SRPX2: variants seen among roughly 807,000 people sequenced by gnomAD.
SRPX2 encodes the protein sushi repeat-containing protein SRPX2.
SRPX2 carries 26 observed loss-of-function variants against 45.3 expected under a neutral mutation model. The ratio of observed to expected loss-of-function variants is 0.57; its 90% confidence interval spans 0.42 to 0.80. The LOEUF is 0.80. Ranked by LOEUF, SRPX2 falls within the 30% of genes least tolerant of loss-of-function variation. SRPX2 has a pLI of 0.00. For synonymous variants in SRPX2, 125 were observed against 143.7 expected (o/e 0.87, Z 0.93); for missense variants, 355 against 399.8 (o/e 0.89, Z 0.95).
In SRPX2 at chrX:100,644,307, A is replaced by C. The variant is rs2083129121; in HGVS notation, c.-339A>C. ...CTGAGAGAGGAATAACTATAGCTTC[A>C]GGGATAATATAGCTTTAAGGAAACT... On this transcript the variant is annotated 5_prime_UTR_variant, in exon 1 of 11. Transcript: ENST00000373004. The C allele has an allele frequency of 8.9e-6, 1 of 111,797 alleles. No homozygotes were observed. The highest frequency in any genetic ancestry group is 3.8e-4 in the South Asian group (1 of 2,617). 9.2% of individuals were successfully genotyped at this position (111,797 alleles called of 1,213,427 possible).
intron 3 of SRPX2, among the ~76,000 whole-genome samples, chrX:100,651,516 C>T (rs1042169101): frequency 2.7e-5 from 3 of 111,137 alleles, no homozygotes; most frequent in African/African-American, 9.8e-5. Flanking sequence ...TGCAGTGGCT[C>T]ATGCTTGTAA....
At chrX:100,669,898 G>A (rs1317125828) in intron 10 of SRPX2, among the ~76,000 whole-genome samples, 3 of 105,915 alleles carry the variant, frequency 2.8e-5, no homozygotes, top group Non-Finnish European at 3.9e-5. Flanking sequence ...TCAGCCTCCC[G>A]AGTAGCTGGG....
intron 3 of SRPX2, among the ~76,000 whole-genome samples, chrX:100,654,648 C>A (rs1013142278): frequency 3.6e-5 from 4 of 111,379 alleles, no homozygotes; most frequent in African/African-American, 1.3e-4. Context: ...ATTTTACCAA[C>A]CAGGAAACTA....
At chrX:100,648,498 T>A (rs1462484894) in intron 2 of SRPX2, among the ~76,000 whole-genome samples, 3 of 111,364 alleles carry the variant, frequency 2.7e-5, no homozygotes, top group Non-Finnish European at 5.6e-5. Flanking sequence ...ATGTAGGAAA[T>A]GTTCCCCTTT....
At chrX:100,667,207 G>A in intron 8 of SRPX2, 67 bp from the exon 9 acceptor site, 1 of 1,202,961 alleles carries the variant, frequency 8.3e-7, no homozygotes, top group Non-Finnish European at 1.1e-6. Context: ...ACCTCAAGAT[G>A]TTAGGTTACC....
At chrX:100,645,897 C>T (rs995384644) in intron 1 of SRPX2, among the ~76,000 whole-genome samples, 4 of 111,676 alleles carry the variant, frequency 3.6e-5, no homozygotes, top group African/African-American at 1.3e-4. Flanking sequence ...TGAATGAAAC[C>T]TAATGGCAGC....
At position 100,673,903 on chromosome X, in the gene SRPX2, A is replaced by G. The variant is rs781159571; in HGVS notation, c.*2916A>G. On this transcript the variant is annotated 3_prime_UTR_variant, in exon 11 of 11. Transcript: ENST00000373004. ...GTTGGAGAAATTAAAGAAATAGTAT[A>G]TGAAGCCTTGCACATAAAAAGCATT... 1 of 112,010 alleles carries G rather than the reference A, an allele frequency of 8.9e-6. No homozygotes were observed. Among genetic ancestry groups the G allele is most frequent in the East Asian group, 2.8e-4 (1 of 3,563 alleles). The allele number at this position is 112,010 out of a possible 1,213,427, so 9.2% of individuals were successfully genotyped here. A position where few individuals can be genotyped will look rare whatever the true frequency, so the allele number is the denominator to read the frequency against.
In SRPX2 at chrX:100,667,395, C is replaced by T. The variant is rs1602725496; in HGVS notation, c.1083C>T (p.Ile361=). The change falls in exon 9 of 11, where the codon ATC becomes ATT. Residue 361 remains isoleucine, a synonymous_variant. Coordinates refer to ENST00000373004, the MANE Select transcript of SRPX2 (RefSeq NM_014467.3). Reference sequence around the variant, plus strand: ...CCAACCGATATTATAAAATGCAGATCTCTATGCTACAGGTAAGGCCCACTC... The same window carrying T: ...CCAACCGATATTATAAAATGCAGATTTCTATGCTACAGGTAAGGCCCACTC... ...DPSNRYYKMQ[I]SMLQQSTCGL... The T allele has an allele frequency of 8.3e-7, 1 of 1,211,785 alleles. No homozygotes were observed. The highest frequency in any genetic ancestry group is 2.2e-5 in the Admixed American group (1 of 46,033).
At chrX:100,651,430 T>C (rs1192836933) in intron 3 of SRPX2, among the ~76,000 whole-genome samples, 1 of 110,509 alleles carries the variant, frequency 9.0e-6, no homozygotes, top group Non-Finnish European at 1.9e-5. Context: ...AGGAGGGAGC[T>C]AAGAAGAAAC....
In SRPX2 at chrX:100,674,381, T is replaced by C. The variant is rs2083245138; in HGVS notation, c.*3394T>C. 1 of 112,482 alleles carries C rather than the reference T, an allele frequency of 8.9e-6. No homozygotes were observed. Among genetic ancestry groups the C allele is most frequent in the East Asian group, 2.8e-4 (1 of 3,594 alleles). The allele number at this position is 112,482 out of a possible 1,213,427, so 9.3% of individuals were successfully genotyped here. On this transcript the variant is annotated 3_prime_UTR_variant, in exon 11 of 11. Coordinates refer to ENST00000373004, the MANE Select transcript of SRPX2 (RefSeq NM_014467.3). ...TGAATTTTCTTCAATCAGCATAGGA[T>C]GGTTAGGGAAGAGCATTTATCACTT... is the stretch of plus-strand genomic sequence containing the variant.
rs750002163 is a variant in SRPX2, at chrX:100,672,887, G to C, written c.*1900G>C. ...AGTCAGAGAGAATCTCCTTCCACTG[G>C]GATTTTAGTGGAAATCTCATTTTTA... On this transcript the variant is annotated 3_prime_UTR_variant, in exon 11 of 11. Coordinates refer to ENST00000373004, the MANE Select transcript of SRPX2 (RefSeq NM_014467.3). 4 of 111,826 alleles carry C rather than the reference G, an allele frequency of 3.6e-5. No individual in the cohort carries two copies. The South Asian group carries it at 1.5e-3, about 42-fold the overall frequency. The allele number at this position is 111,826 out of a possible 1,213,427, so 9.2% of individuals were successfully genotyped here.
chrX:100,658,151 C>T (rs1602720612), intron 3 of SRPX2, among the ~76,000 whole-genome samples: 1 of 111,955 alleles, frequency 8.9e-6, no homozygotes, highest in African/African-American at 3.2e-5. Context: ...TTTTTGTTTC[C>T]TGGCTTTTGA....
rs1475538971 is a variant in SRPX2, at chrX:100,674,969, C to G, written c.*3982C>G. On this transcript the variant is annotated 3_prime_UTR_variant, in exon 11 of 11. Coordinates refer to ENST00000373004, the MANE Select transcript of SRPX2 (RefSeq NM_014467.3). ...AGTCAGAATAACAGGGAGACTCTGT[C>G]TACATTCCCTTAGAGCCCTTAACAG... 1.8e-5 allele frequency: 2 copies of G among 111,899 alleles called. No homozygotes were observed. The highest frequency in any genetic ancestry group is 3.8e-5 in the Non-Finnish European group (2 of 53,226). 9.2% of individuals were successfully genotyped at this position (111,899 alleles called of 1,213,427 possible).
chrX:100,651,029 G>C lies in SRPX2; in HGVS notation c.163+164G>C, dbSNP rs1602717255. On this transcript the variant is annotated intron_variant, in intron 3 of 10. Transcript: ENST00000373004. ...TCATGAACTTGGTTACTGACTTACT[G>C]TGTGACCTCACCTCTCCAGCCTGAA... 1.1e-5 allele frequency: 5 copies of C among 455,826 alleles called. No individual in the cohort carries two copies. The East Asian group carries it at 1.9e-4, about 17-fold the overall frequency. The allele number at this position is 455,826 out of a possible 1,213,427, so 37.6% of individuals were successfully genotyped here.
intron 3 of SRPX2, among the ~76,000 whole-genome samples, chrX:100,653,338 A>T (rs189179172): frequency 1.8e-5 from 2 of 111,063 alleles, no homozygotes; most frequent in Non-Finnish European, 3.8e-5. Flanking sequence ...AAATACCTCA[A>T]TGTCACCTCT....
rs902504339 is a variant in SRPX2 at position 100,672,595 on chromosome X, G to A, written c.*1608G>A. 1.8e-5 allele frequency: 2 copies of A among 112,228 alleles called. No homozygotes were observed. The highest frequency in any genetic ancestry group is 3.8e-5 in the Non-Finnish European group (2 of 53,294). 9.2% of individuals were successfully genotyped at this position (112,228 alleles called of 1,213,427 possible). On this transcript the variant is annotated 3_prime_UTR_variant, in exon 11 of 11. Transcript: ENST00000373004. ...CAGAGTCAGGATTTCAACACCAGCA[G>A]CCTGGCTCTAGAGGCAATGTTCTTC...
In SRPX2 at chrX:100,662,219, C is replaced by T. The variant is rs771473814; in HGVS notation, c.207C>T (p.Ala69=). 41 of 1,211,491 alleles carry T rather than the reference C, an allele frequency of 3.4e-5. 1 individual carries two copies. In the Middle Eastern group the frequency reaches 4.6e-3, roughly 136 times the overall value. Residue 69 remains alanine (A), a synonymous_variant, in exon 4 of 11, where the codon GCC becomes GCT. Transcript: ENST00000373004. ...CYTLNIQDGE[A]TCYSPKGGNY... is the part of the protein sequence containing the mutation. ...CATTAAATATCCAGGATGGAGAAGC[C>T]ACATGCTACTCACCGAAGGGAGGAA...
chrX:100,664,948 T>C lies in SRPX2; in HGVS notation c.530T>C (p.Val177Ala), dbSNP rs1473381054. 1 of 1,210,164 alleles carries C rather than the reference T, an allele frequency of 8.3e-7. No individual in the cohort carries two copies. The highest frequency in any genetic ancestry group is 1.7e-5 in the African/African-American group (1 of 57,764). Residue 177 changes from valine to alanine, a missense_variant and splice_region_variant, in exon 5 of 11, where the codon GTA becomes GCA. Coordinates refer to ENST00000373004, the MANE Select transcript of SRPX2 (RefSeq NM_014467.3). ...GRWSGGEPVC[V>A]DIDPPKIRCP... ...TGGAGTGGAGGCGAGCCTGTATGTG[T>C]AGGTAAATGCTGGTTGCTCCCAGTT... is the stretch of plus-strand genomic sequence containing the variant.
chrX:100,671,101 G>C lies in SRPX2; in HGVS notation c.*114G>C. Reference sequence around the variant, plus strand: ...ACAGTTCTAGGGACAGGACTCTGAGGTGGGTGAGTTTGACAAATCCTGCGG... The same window carrying C: ...ACAGTTCTAGGGACAGGACTCTGAGCTGGGTGAGTTTGACAAATCCTGCGG... On this transcript the variant is annotated 3_prime_UTR_variant, in exon 11 of 11. Transcript: ENST00000373004. The C allele has an allele frequency of 1.1e-6, 1 of 883,376 alleles. No homozygotes were observed. Among genetic ancestry groups the C allele is most frequent in the Non-Finnish European group, 1.6e-6 (1 of 624,596 alleles). The allele number at this position is 883,376 out of a possible 1,213,427, so 72.8% of individuals were successfully genotyped here. A position where few individuals can be genotyped will look rare whatever the true frequency, so the allele number is the denominator to read the frequency against.
Sources: allele counts gnomAD v4.1 joint callset (sites outside exome capture counted in the v4.1 genomes callset), GRCh38; gene constraint gnomAD v4.1.1; transcripts MANE v1.5; gene names NCBI Gene and HGNC (gene_info 2026-07-23, HGNC 2026-07-21).